Variants in COXFA4 observed in about 807,000 individuals in gnomAD.
COXFA4 encodes the protein cytochrome c oxidase subunit FA4.
the COXFA4 span, chr7:10,938,909 C>T: frequency 6.3e-7 from 1 of 1,595,588 alleles, no homozygotes; most frequent in East Asian, 2.2e-5. Flanking sequence ...AAACCAAACA[C>T]AAAATAGAAT....
At chr7:10,936,062 G>C in the COXFA4 span, among the ~76,000 whole-genome samples, 8 of 152,138 alleles carry the variant, frequency 5.3e-5, no homozygotes, top group Admixed American at 4.6e-4. Context: ...ATGTCAGTGG[G>C]CCAGAAAAAC....
the COXFA4 span, chr7:10,940,064 G>C: frequency 6.2e-7 from 1 of 1,613,568 alleles, no homozygotes; most frequent in South Asian, 1.1e-5. Flanking sequence ...GCATGTTTGC[G>C]GCAGAGGTCT....
the COXFA4 span, chr7:10,938,125 G>C: frequency 1.2e-6 from 2 of 1,612,952 alleles, no homozygotes; most frequent in African/African-American, 2.7e-5. Flanking sequence ...TTGTTCCAGG[G>C]CTCTGGGTTA....
chr7:10,940,070 G>C, the COXFA4 span: 1 of 1,613,486 alleles, frequency 6.2e-7, no homozygotes, highest in Admixed American at 1.7e-5. Context: ...TTGCGGCAGA[G>C]GTCTCCGACT....
At chr7:10,934,094 C>T in the COXFA4 span, among the ~76,000 whole-genome samples, 3 of 152,126 alleles carry the variant, frequency 2.0e-5, no homozygotes, top group Non-Finnish European at 2.9e-5. Flanking sequence ...GAATTACCTT[C>T]CCTACTTGCT....
the COXFA4 span, chr7:10,939,960 G>C: frequency 1.3e-6 from 2 of 1,595,652 alleles, no homozygotes; most frequent in African/African-American, 1.3e-5. Flanking sequence ...AGAAAGAGGC[G>C]CACCCCGACG....
At chr7:10,936,795 G>C in the COXFA4 span, among the ~76,000 whole-genome samples, 2 of 152,152 alleles carry the variant, frequency 1.3e-5, no homozygotes. Flanking sequence ...CCAGCACTGG[G>C]GGGTTGAGAC....
chr7:10,937,198 A>G, the COXFA4 span, among the ~76,000 whole-genome samples: 3 of 152,172 alleles, frequency 2.0e-5, no homozygotes, highest in East Asian at 5.8e-4. Context: ...TATTATGGAA[A>G]GTGCATTGAG....
the COXFA4 span, chr7:10,933,249 A>C: frequency 5.7e-6 from 1 of 174,368 alleles, no homozygotes; most frequent in Non-Finnish European, 1.2e-5. Flanking sequence ...TTCCCAATTT[A>C]CTTTTGTATA....
At chr7:10,939,537 A>G in the COXFA4 span, 1 of 179,188 alleles carries the variant, frequency 5.6e-6, no homozygotes. Context: ...AATTTTCCCA[A>G]AAGCAACGAC....
the COXFA4 span, among the ~76,000 whole-genome samples, chr7:10,935,803 T>G: frequency 1.3e-5 from 2 of 152,180 alleles, no homozygotes; most frequent in South Asian, 4.1e-4. Context: ...CAGCCCAAAT[T>G]AACACATTCA....
At chr7:10,934,899 AAAAG>A in the COXFA4 span, among the ~76,000 whole-genome samples, 1 of 152,224 alleles carries the variant, frequency 6.6e-6, no homozygotes, top group Non-Finnish European at 1.5e-5. Context: ...TAAGGTTAAA[AAAAG>A]AAAAAGAAAC....
chr7:10,938,253 A>G, the COXFA4 span: 1 of 967,144 alleles, frequency 1.0e-6, no homozygotes, highest in Non-Finnish European at 1.6e-6. Flanking sequence ...CTATTAGATG[A>G]GGTATGGTGT....
the COXFA4 span, among the ~76,000 whole-genome samples, chr7:10,935,098 G>C: frequency 6.6e-6 from 1 of 152,192 alleles, no homozygotes; most frequent in Non-Finnish European, 1.5e-5. Context: ...ATTTATAAAA[G>C]AGGTAATTGA....
the COXFA4 span, among the ~76,000 whole-genome samples, chr7:10,937,065 G>A: frequency 6.6e-6 from 1 of 152,126 alleles, no homozygotes; most frequent in Non-Finnish European, 1.5e-5. Flanking sequence ...ACGTTGCTAT[G>A]AGTAATAATC....
the COXFA4 span, chr7:10,938,796 T>G: frequency 1.2e-6 from 2 of 1,607,570 alleles, no homozygotes; most frequent in Non-Finnish European, 1.7e-6. Flanking sequence ...TTAAACATTT[T>G]TAAGTACTTA....
At chr7:10,938,058 T>C in the COXFA4 span, 1 of 1,592,980 alleles carries the variant, frequency 6.3e-7, no homozygotes, top group Non-Finnish European at 8.6e-7. Context: ...CAACACAATT[T>C]CTAACAACTT....
the COXFA4 span, chr7:10,939,636 C>T: frequency 4.5e-6 from 1 of 223,030 alleles, no homozygotes. Flanking sequence ...CAAGAACCTC[C>T]AGAGATGGTA....
At chr7:10,938,349 C>G in the COXFA4 span, 1 of 549,462 alleles carries the variant, frequency 1.8e-6, no homozygotes, top group Non-Finnish European at 3.2e-6. Flanking sequence ...AACACAGAAT[C>G]CCTATCACAA....
Sources: allele counts gnomAD v4.1 joint callset (sites outside exome capture counted in the v4.1 genomes callset), GRCh38; gene constraint gnomAD v4.1.1; transcripts MANE v1.5; gene names NCBI Gene and HGNC (gene_info 2026-07-23, HGNC 2026-07-21).